FAAP20: variants seen among roughly 807,000 people sequenced by gnomAD.
FAAP20 encodes the protein Fanconi anemia core complex-associated protein 20.
Under a neutral mutation model 16.2 loss-of-function variants are expected in FAAP20, and 12 were observed. The observed-to-expected ratio is 0.74, with a 90% CI of 0.48 to 1.20. The LOEUF (loss-of-function observed/expected upper bound fraction) is 1.20, where lower values mean the gene tolerates loss of function less well. FAAP20 is among the 50% of genes most tolerant of loss of function. The pLI is 0.00. For synonymous variants in FAAP20, 141 were observed against 110.7 expected, an observed-to-expected ratio of 1.27 and a Z score of -1.72; for missense variants, 288 against 245.8, an observed-to-expected ratio of 1.17 and a Z score of -1.15.
chr1:2,188,808 A>G (rs1687830686), downstream of FAAP20, among the ~76,000 whole-genome samples: 1 of 151,464 alleles, frequency 6.6e-6, no homozygotes, highest in Non-Finnish European at 1.5e-5. Context: ...GATCAAGACC[A>G]TCCTGGCTAA....
rs1278938754 is a variant in FAAP20, at chr1:2,194,593, C to T, written c.62+95G>A. On this transcript the variant is annotated intron_variant, in intron 1 of 3. Transcript: ENST00000378546. ...CGGGCCCGGGGGCAGGGAGCCCTCC[C>T]CAGGGGGAGAATAGAGCGGGAGGCC... 3 of 656,958 alleles carry T rather than the reference C, an allele frequency of 4.6e-6. No individual in the cohort carries two copies. The African/African-American group carries it at 5.9e-5, about 13-fold the overall frequency. 40.7% of individuals were successfully genotyped at this position (656,958 alleles called of 1,614,324 possible). A position where few individuals can be genotyped will look rare whatever the true frequency, so the allele number is the denominator to read the frequency against.
intron 3 of FAAP20, among the ~76,000 whole-genome samples, chr1:2,205,802 A>G (rs914292330): frequency 6.6e-6 from 1 of 152,188 alleles, no homozygotes; most frequent in Non-Finnish European, 1.5e-5. Flanking sequence ...TCCCTCCGCC[A>G]CTGTGCCCAG....
rs764348732 is a variant in FAAP20, at chr1:2,194,051, G to A, written c.145C>T (p.Pro49Ser). Residue 49 changes from proline to serine, a missense_variant, in exon 2 of 4, where the codon CCG (proline) becomes TCG (serine). By Grantham distance (74) the Pro-to-Ser change is moderately conservative (BLOSUM62 -1). Coordinates refer to ENST00000378546, the MANE Select transcript of FAAP20 (RefSeq NM_182533.4). ...LWAELLRTVS[P>S]ELILDHEVPS... ...ACCTCGTGATCCAGGATCAGCTCCG[G>A]GCTCACCGTGCGCAGTAGCTCGGCC... 1.2e-6 allele frequency: 2 copies of A among 1,612,676 alleles called. No homozygotes were observed. Among genetic ancestry groups the A allele is most frequent in the Non-Finnish European group, 1.7e-6 (2 of 1,179,968 alleles).
downstream of FAAP20, chr1:2,186,050 CA>C (rs1557770202): frequency 2.2e-6 from 1 of 452,984 alleles, no homozygotes. Context: ...TTCCTAGAGG[CA>C]GGGCTGCCAG....
At chr1:2,185,029 G>C (rs768206691), downstream of FAAP20, 2 of 1,585,534 alleles carry the variant, frequency 1.3e-6, no homozygotes, top group Non-Finnish European at 1.7e-6. Context: ...CGTCTCTGTC[G>C]TGGACACGCG....
At chr1:2,203,180 T>C (rs535133376), upstream of FAAP20, among the ~76,000 whole-genome samples, 4 of 152,310 alleles carry the variant, frequency 2.6e-5, no homozygotes, top group East Asian at 1.9e-4. Context: ...CTGGAAGTAG[T>C]GGCCTGATGC....
In FAAP20 at chr1:2,194,647, C is replaced by A. The variant is rs1271361398; in HGVS notation, c.62+41G>T. The A allele has an allele frequency of 7.7e-6, 8 of 1,039,574 alleles. No homozygotes were observed. The African/African-American group carries it at 1.4e-4, about 18-fold the overall frequency. The allele number at this position is 1,039,574 out of a possible 1,614,324, so 64.4% of individuals were successfully genotyped here. On this transcript the variant is annotated intron_variant, in intron 1 of 3. Coordinates refer to ENST00000378546, the MANE Select transcript of FAAP20 (RefSeq NM_182533.4). ...GGGGGCGCCGGGAAGCACGTGGGAG[C>A]GGGAAAACCGGCCGCGCCCCCGCCC...
downstream of FAAP20, chr1:2,184,881 C>A: frequency 6.4e-7 from 1 of 1,551,162 alleles, no homozygotes; most frequent in Non-Finnish European, 8.9e-7. Context: ...AGGGAATGAA[C>A]ACACGGTCAC....
At chr1:2,211,489 T>C (rs1224891208), downstream of FAAP20, among the ~76,000 whole-genome samples, 1 of 113,940 alleles carries the variant, frequency 8.8e-6, no homozygotes, top group Non-Finnish European at 1.7e-5. Context: ...CTCTGTTGCC[T>C]AGGCTGAAGT....
chr1:2,199,193 C>A (rs759232518), upstream of FAAP20: 68 of 1,170,926 alleles, frequency 5.8e-5, no homozygotes, highest in Non-Finnish European at 7.2e-5. The surrounding 1 kb of genome is among the most constrained non-coding windows in gnomAD (Gnocchi z 4.5). Flanking sequence ...GGGCCAGCAT[C>A]CCCGACCAGA....
upstream of FAAP20, chr1:2,199,252 A>ACCCCT: frequency 8.8e-7 from 1 of 1,137,622 alleles, no homozygotes; most frequent in African/African-American, 1.6e-5. The surrounding 1 kb of genome is among the most constrained non-coding windows in gnomAD (Gnocchi z 4.5). Context: ...TTCAAGCAGT[A>ACCCCT]TCCGGTTCAC....
At chr1:2,211,439 T>G (rs372933709), downstream of FAAP20, among the ~76,000 whole-genome samples, 1 of 20,224 alleles carries the variant, frequency 4.9e-5, no homozygotes, top group Non-Finnish European at 9.5e-5. Flanking sequence ...ATATATATTT[T>G]TTTTTTTTTT....
downstream of FAAP20, among the ~76,000 whole-genome samples, chr1:2,208,692 G>A (rs1221442332): frequency 6.6e-6 from 1 of 152,214 alleles, no homozygotes; most frequent in Admixed American, 6.5e-5. Flanking sequence ...GCCAGAGCGG[G>A]TAAGCCTGTG....
downstream of FAAP20, chr1:2,189,400 A>T (rs1687904016): frequency 2.3e-6 from 1 of 425,572 alleles, no homozygotes. Flanking sequence ...CAAAGTTAGG[A>T]AAACGAGCTA....
upstream of FAAP20, chr1:2,194,923 C>A (rs1372275418): frequency 3.7e-6 from 2 of 533,336 alleles, no homozygotes; most frequent in Non-Finnish European, 5.0e-6. Context: ...AGGGTTCCTT[C>A]GTCCTGCACC....
At chr1:2,211,547 C>T (rs1296777247), downstream of FAAP20, among the ~76,000 whole-genome samples, 5 of 136,650 alleles carry the variant, frequency 3.7e-5, no homozygotes, top group South Asian at 2.4e-4. Flanking sequence ...CCCAGGTTCA[C>T]GCCATTCTCC....
At chr1:2,203,497 G>C, upstream of FAAP20, 1 of 985,726 alleles carries the variant, frequency 1.0e-6, no homozygotes, top group Non-Finnish European at 1.2e-6. Context: ...TCTGGGGTTG[G>C]CCTGGCGCTG....
upstream of FAAP20, chr1:2,199,376 C>T (rs185842711): frequency 3.6e-4 from 367 of 1,018,316 alleles, 4 homozygotes; most frequent in Middle Eastern, 4.9e-4. The surrounding 1 kb of genome is among the most constrained non-coding windows in gnomAD (Gnocchi z 4.5). Flanking sequence ...GACGTCCCCC[C>T]GCCCGGAGAA....
chr1:2,188,371 T>C (rs1468779896), downstream of FAAP20, among the ~76,000 whole-genome samples: 1 of 152,182 alleles, frequency 6.6e-6, no homozygotes, highest in Admixed American at 6.5e-5. Context: ...CCCTGGCGAA[T>C]GATGAGGCCC....
Sources: allele counts gnomAD v4.1 joint callset (sites outside exome capture counted in the v4.1 genomes callset), GRCh38; gene constraint gnomAD v4.1.1; non-coding constraint Gnocchi (gnomAD v3.1); transcripts MANE v1.5; gene names NCBI Gene and HGNC (gene_info 2026-07-23, HGNC 2026-07-21).